Variants in QNG1 observed in about 807,000 individuals in gnomAD.
QNG1 encodes the protein queuosine 5'-phosphate N-glycosylase/hydrolase.
the QNG1 span, among the ~76,000 whole-genome samples, chr9:83,949,308 A>C: frequency 1.3e-5 from 2 of 152,240 alleles, no homozygotes; most frequent in Non-Finnish European, 2.9e-5. Context: ...CTGGATTTAT[A>C]TATGGCAACC....
chr9:83,946,681 G>A, the QNG1 span, among the ~76,000 whole-genome samples: 1 of 152,318 alleles, frequency 6.6e-6, no homozygotes, highest in Admixed American at 6.5e-5. Flanking sequence ...GAAGCCAGAA[G>A]TTCAAGACCA....
At chr9:83,945,097 C>CCAACAAAGTAAGA in the QNG1 span, 3 of 901,702 alleles carry the variant, frequency 3.3e-6, no homozygotes, top group Non-Finnish European at 1.6e-6. Context: ...AATAATCTTA[C>CCAACAAAGTAAGA]TTTGTTGGTA....
the QNG1 span, among the ~76,000 whole-genome samples, chr9:83,954,785 C>A: frequency 7.2e-6 from 1 of 137,958 alleles, no homozygotes; most frequent in African/African-American, 2.7e-5. Context: ...GAGACTGAGG[C>A]AGGTGAATCA....
chr9:83,945,360 C>T, the QNG1 span, among the ~76,000 whole-genome samples: 1 of 149,080 alleles, frequency 6.7e-6, no homozygotes, highest in Non-Finnish European at 1.5e-5. Context: ...GTGATCACAC[C>T]ACTGCACTCC....
chr9:83,956,604 A>G, the QNG1 span: 1 of 946,794 alleles, frequency 1.1e-6, no homozygotes, highest in Admixed American at 2.8e-5. Context: ...CAGGGCCTAA[A>G]CAAGGTCCCG....
the QNG1 span, chr9:83,944,713 C>T: frequency 9.1e-7 from 1 of 1,100,426 alleles, no homozygotes; most frequent in Non-Finnish European, 1.3e-6. Flanking sequence ...TTTTTTAAAG[C>T]AAAGGAGACC....
At chr9:83,944,939 C>A in the QNG1 span, 1 of 1,613,284 alleles carries the variant, frequency 6.2e-7, no homozygotes, top group East Asian at 2.2e-5. Flanking sequence ...ATACACTCCA[C>A]GTATCTGCTA....
chr9:83,952,576 C>T, the QNG1 span, among the ~76,000 whole-genome samples: 1 of 151,920 alleles, frequency 6.6e-6, no homozygotes, highest in Non-Finnish European at 1.5e-5. Flanking sequence ...GGGCGGATCA[C>T]CAGGTCAGGA....
the QNG1 span, chr9:83,955,539 C>T: frequency 1.2e-6 from 2 of 1,614,196 alleles, no homozygotes; most frequent in African/African-American, 1.3e-5. Context: ...CGATGCCTCT[C>T]TTCTACTAAA....
At chr9:83,948,832 T>G in the QNG1 span, among the ~76,000 whole-genome samples, 1 of 152,142 alleles carries the variant, frequency 6.6e-6, no homozygotes, top group African/African-American at 2.4e-5. Context: ...CTGGGTCCAC[T>G]CAGGGTTAAA....
At chr9:83,951,510 G>A in the QNG1 span, among the ~76,000 whole-genome samples, 1 of 152,182 alleles carries the variant, frequency 6.6e-6, no homozygotes, top group African/African-American at 2.4e-5. Context: ...GCAGTGAGCC[G>A]AGATTGCGCC....
the QNG1 span, among the ~76,000 whole-genome samples, chr9:83,940,470 T>C: frequency 6.6e-6 from 1 of 152,042 alleles, no homozygotes; most frequent in East Asian, 1.9e-4. Flanking sequence ...AATAAATATT[T>C]ATTTTGGGAA....
At chr9:83,944,667 C>G in the QNG1 span, 1 of 670,950 alleles carries the variant, frequency 1.5e-6, no homozygotes, top group Admixed American at 3.6e-5. Context: ...TTGCATTTTC[C>G]TTTTTACATA....
At chr9:83,950,543 T>C in the QNG1 span, among the ~76,000 whole-genome samples, 1 of 152,074 alleles carries the variant, frequency 6.6e-6, no homozygotes, top group African/African-American at 2.4e-5. Context: ...CTTTATAAAA[T>C]AATTGTCAAT....
the QNG1 span, chr9:83,939,195 T>C: frequency 4.0e-6 from 1 of 250,468 alleles, no homozygotes; most frequent in Non-Finnish European, 7.8e-6. Context: ...TGCCTCAGCC[T>C]CCCAAGTAAC....
chr9:83,942,636 A>C, the QNG1 span, among the ~76,000 whole-genome samples: 4 of 152,256 alleles, frequency 2.6e-5, no homozygotes, highest in African/African-American at 9.6e-5. Flanking sequence ...CACTATACTT[A>C]TGTTTGTTAC....
chr9:83,938,780 G>C, the QNG1 span: 1 of 150,842 alleles, frequency 6.6e-6, no homozygotes, highest in East Asian at 1.9e-4. Flanking sequence ...GTCTCCATCT[G>C]TTGCCCAGGA....
At chr9:83,948,489 G>T in the QNG1 span, among the ~76,000 whole-genome samples, 2 of 146,904 alleles carry the variant, frequency 1.4e-5, no homozygotes, top group African/African-American at 2.5e-5. Context: ...GGGCGCCTCC[G>T]CCCGGCCACC....
chr9:83,956,268 AAGG>A, the QNG1 span: 1 of 1,614,070 alleles, frequency 6.2e-7, no homozygotes, highest in Non-Finnish European at 8.5e-7. Flanking sequence ...CTCCGACCAA[AAGG>A]AGAAGTTGAG....
Sources: gnomAD v4.1 joint callset for allele counts (sites outside exome capture counted in the v4.1 genomes callset) on GRCh38, gnomAD v4.1.1 for gene constraint, MANE v1.5 for transcripts, NCBI Gene and HGNC (gene_info 2026-07-23, HGNC 2026-07-21) for gene names.